The following CFAP54 variants were observed in gnomAD, a reference collection of about 807,000 sequenced individuals.
CFAP54 encodes cilia- and flagella-associated protein 54.
CFAP54 carries 290 observed loss-of-function variants against 370.4 expected under a neutral mutation model. The observed-to-expected ratio is 0.78, with a 90% CI of 0.71 to 0.86. The LOEUF (loss-of-function observed/expected upper bound fraction) is 0.86, where lower values mean the gene tolerates loss of function less well. Ranked by LOEUF, CFAP54 falls within the 40% of genes least tolerant of loss-of-function variation. The probability of loss-of-function intolerance (pLI) is 0.00; values close to 1 mark genes in which losing one functional copy is unlikely to be tolerated. For missense variants in CFAP54, 3,399 were observed against 3,528.7 expected (o/e 0.96, Z 0.93); for synonymous variants, 1,206 against 1,236.5 (o/e 0.98, Z 0.52).
At chr12:96,558,916 A>T (rs893560668) in intron 17 of CFAP54, among the ~76,000 whole-genome samples, 1 of 152,144 alleles carries the variant, frequency 6.6e-6, no homozygotes, top group African/African-American at 2.4e-5. Context: ...CCAGCAAAGG[A>T]TACAATCAGC....
At chr12:96,503,839 G>A (rs1008393705) in intron 2 of CFAP54, 47 bp from the exon 3 acceptor site, 22 of 1,385,278 alleles carry the variant, frequency 1.6e-5, no homozygotes, top group Non-Finnish European at 2.0e-5. Flanking sequence ...ATAATGATAA[G>A]CTAAATGATA....
intron 41 of CFAP54, 32 bp downstream of exon 41, chr12:96,684,767 A>G: frequency 6.6e-7 from 1 of 1,524,532 alleles, no homozygotes; most frequent in African/African-American, 1.4e-5. Flanking sequence ...GAACAAGGGC[A>G]AAGGTTTTTT....
intron 60 of CFAP54, among the ~76,000 whole-genome samples, chr12:96,782,975 A>G (rs1199213095): frequency 6.6e-6 from 1 of 152,240 alleles, no homozygotes; most frequent in African/African-American, 2.4e-5. Context: ...ATACTGAAAT[A>G]CTACATAATA....
intron 14 of CFAP54, among the ~76,000 whole-genome samples, chr12:96,542,007 T>G (rs1955580006): frequency 6.6e-6 from 1 of 152,174 alleles, no homozygotes; most frequent in African/African-American, 2.4e-5. Context: ...TTCTTTGTTC[T>G]GCCTCTGGTT....
At chr12:96,647,128 A>G (rs1243323325) in intron 33 of CFAP54, 1 of 152,022 alleles carries the variant, frequency 6.6e-6, no homozygotes, top group Non-Finnish European at 1.5e-5. Context: ...ATGAATATAA[A>G]CTATTTATTT....
At chr12:96,716,453 T>C (rs1192814547) in intron 48 of CFAP54, among the ~76,000 whole-genome samples, 1 of 152,236 alleles carries the variant, frequency 6.6e-6, no homozygotes, top group Non-Finnish European at 1.5e-5. Flanking sequence ...AGTGTTCTTA[T>C]TATTTTGGGT....
At chr12:96,552,413 G>A (rs1303384132) in intron 15 of CFAP54, among the ~76,000 whole-genome samples, 4 of 151,844 alleles carry the variant, frequency 2.6e-5, no homozygotes, top group Non-Finnish European at 5.9e-5. Context: ...GCATGATCAG[G>A]GCTCACTGCA....
Position 96,691,441 on chromosome 12 carries a change from T to G in CFAP54, c.6264+131T>G, listed in dbSNP as rs112858732. On this transcript the variant is annotated intron_variant, in intron 44 of 67. Transcript: ENST00000524981. ...ACTTTTAAACTCTATATATGTGGGA[T>G]TCTTACTTACACTTCAAACTAAAAT... is the stretch of plus-strand genomic sequence containing the variant. 896 of 554,230 alleles carry G rather than the reference T, an allele frequency of 1.6e-3. 4 individuals are homozygous for G. In the African/African-American group the frequency reaches 0.016, roughly 10 times the overall value. The allele number at this position is 554,230 out of a possible 1,614,324, so 34.3% of individuals were successfully genotyped here. A position where few individuals can be genotyped will look rare whatever the true frequency, so the allele number is the denominator to read the frequency against.
intron 15 of CFAP54, among the ~76,000 whole-genome samples, chr12:96,549,776 T>G (rs1955676044): frequency 6.6e-6 from 1 of 152,214 alleles, no homozygotes; most frequent in African/African-American, 2.4e-5. Context: ...TGGCACATGA[T>G]AGCTGCTGTT....
chr12:96,780,750 A>T (rs1958572716), intron 60 of CFAP54, among the ~76,000 whole-genome samples: 1 of 152,172 alleles, frequency 6.6e-6, no homozygotes, highest in Non-Finnish European at 1.5e-5. Flanking sequence ...AGGAGTTGAT[A>T]AAAAATATCC....
At chr12:96,873,834 ATTATTC>A (rs1279830960) in intron 67 of CFAP54, among the ~76,000 whole-genome samples, 1 of 152,156 alleles carries the variant, frequency 6.6e-6, no homozygotes, top group Non-Finnish European at 1.5e-5. Flanking sequence ...AAAATATGAA[ATTATTC>A]TTATTCTTAG....
chr12:96,840,415 C>A (rs111341662), intron 66 of CFAP54, among the ~76,000 whole-genome samples: 1,543 of 152,210 alleles, frequency 0.01, 28 homozygotes, highest in African/African-American at 0.034. Context: ...TATCCATTGG[C>A]AAATTTTATT....
intron 66 of CFAP54, among the ~76,000 whole-genome samples, chr12:96,837,581 A>G (rs1959190291): frequency 6.6e-6 from 1 of 152,188 alleles, no homozygotes; most frequent in Non-Finnish European, 1.5e-5. Flanking sequence ...GCTATGTTTT[A>G]TTCTCAGTAC....
At chr12:96,754,947 T>A (rs1162100304) in intron 56 of CFAP54, among the ~76,000 whole-genome samples, 1 of 152,138 alleles carries the variant, frequency 6.6e-6, no homozygotes, top group African/African-American at 2.4e-5. Context: ...TTTCACTATG[T>A]TGGCCAGGCT....
At chr12:96,702,883 A>G (rs982723442) in intron 46 of CFAP54, among the ~76,000 whole-genome samples, 1 of 152,216 alleles carries the variant, frequency 6.6e-6, no homozygotes, top group African/African-American at 2.4e-5. Flanking sequence ...CCTACAGATT[A>G]CTATTGAACT....
At chr12:96,734,419 C>T (rs1957957390) in intron 50 of CFAP54, among the ~76,000 whole-genome samples, 1 of 151,980 alleles carries the variant, frequency 6.6e-6, no homozygotes, top group Admixed American at 6.6e-5. Flanking sequence ...ATTCATAGCC[C>T]CTAGATTTCT....
At position 96,503,870 on chromosome 12, in the gene CFAP54, A is replaced by G. The variant is rs1183220522; in HGVS notation, c.424-16A>G. 3.4e-6 allele frequency: 5 copies of G among 1,466,418 alleles called. No homozygotes were observed. The highest frequency in any genetic ancestry group is 4.5e-6 in the Non-Finnish European group (5 of 1,117,328). The allele number at this position is 1,466,418 out of a possible 1,614,324, so 90.8% of individuals were successfully genotyped here. A position where few individuals can be genotyped will look rare whatever the true frequency, so the allele number is the denominator to read the frequency against. On this transcript the variant is annotated splice_polypyrimidine_tract_variant and intron_variant, in intron 2 of 67. Coordinates refer to ENST00000524981, the MANE Select transcript of CFAP54 (RefSeq NM_001306084.2). ...TGATATTTTGGAACTTTAATCAAGT[A>G]CTCCTTTTGTTTCAGGAATACAAAC...
chr12:96,577,817 T>C (rs1247187476), intron 20 of CFAP54, among the ~76,000 whole-genome samples: 1 of 152,092 alleles, frequency 6.6e-6, no homozygotes, highest in Non-Finnish European at 1.5e-5. Flanking sequence ...TCCCAGTACT[T>C]TGGGAGGCTG....
intron 14 of CFAP54, among the ~76,000 whole-genome samples, chr12:96,542,624 C>T (rs144629279): frequency 9.6e-4 from 146 of 152,222 alleles, no homozygotes; most frequent in African/African-American, 3.2e-3. Flanking sequence ...AAAACAGACA[C>T]GTAATTTTTC....
Sources: allele counts gnomAD v4.1 joint callset (sites outside exome capture counted in the v4.1 genomes callset), GRCh38; gene constraint gnomAD v4.1.1; transcripts MANE v1.5; gene names NCBI Gene and HGNC (gene_info 2026-07-23, HGNC 2026-07-21).